The following SLC17A1 variants were observed in gnomAD, a reference collection of about 807,000 sequenced individuals.
SLC17A1 encodes sodium-dependent phosphate transport protein 1.
Under a neutral mutation model 53.5 loss-of-function variants are expected in SLC17A1, and 51 were observed. The ratio of observed to expected loss-of-function variants is 0.95; its 90% confidence interval spans 0.76 to 1.20. The LOEUF (loss-of-function observed/expected upper bound fraction) is 1.20, where lower values mean the gene tolerates loss of function less well. SLC17A1 is among the 50% of genes most tolerant of loss of function. SLC17A1 has a pLI of 0.00. For synonymous variants in SLC17A1, 179 were observed against 198.8 expected, an observed-to-expected ratio of 0.90 and a Z score of 0.84; for missense variants, 538 against 568.2, an observed-to-expected ratio of 0.95 and a Z score of 0.54.
At chr6:25,730,293 TGTG>T in the SLC17A1 span, among the ~76,000 whole-genome samples, 1 of 152,004 alleles carries the variant, frequency 6.6e-6, no homozygotes, top group African/African-American at 2.4e-5. Context: ...CTAAAGAAAA[TGTG>T]GCATACATAC....
the SLC17A1 span, chr6:25,776,801 T>A: frequency 6.2e-7 from 1 of 1,613,984 alleles, no homozygotes; most frequent in Admixed American, 1.7e-5. Flanking sequence ...GTGTTTGTCC[T>A]CCTACCCCAG....
chr6:25,803,180 G>T (rs555653014), intron 10 of SLC17A1, among the ~76,000 whole-genome samples: 1 of 151,606 alleles, frequency 6.6e-6, no homozygotes, highest in Non-Finnish European at 1.5e-5. Context: ...CTCATGATCC[G>T]CCTGCCTCAA....
At chr6:25,742,280 T>C in the SLC17A1 span, among the ~76,000 whole-genome samples, 82 of 152,242 alleles carry the variant, frequency 5.4e-4, 1 homozygote, top group African/African-American at 1.6e-3. Flanking sequence ...CTAAGTTACA[T>C]TGACTGATCA....
chr6:25,767,971 T>C, the SLC17A1 span, among the ~76,000 whole-genome samples: 1 of 152,178 alleles, frequency 6.6e-6, no homozygotes, highest in East Asian at 1.9e-4. Flanking sequence ...TAACTGAAGA[T>C]AACTATAAAA....
downstream of SLC17A1, among the ~76,000 whole-genome samples, chr6:25,782,644 G>A (rs552372373): frequency 5.9e-5 from 9 of 152,046 alleles, no homozygotes; most frequent in African/African-American, 1.7e-4. Flanking sequence ...GGTCTGCTCC[G>A]TATCATTTCT....
At chr6:25,757,437 A>G in the SLC17A1 span, among the ~76,000 whole-genome samples, 1 of 152,004 alleles carries the variant, frequency 6.6e-6, no homozygotes, top group Non-Finnish European at 1.5e-5. Flanking sequence ...CAGTAGTAAT[A>G]GATTTATTGC....
At position 25,800,727 on chromosome 6, in the gene SLC17A1, G is replaced by T. The variant is rs45445093; in HGVS notation, c.1269+163C>A. Reference sequence around the variant, plus strand: ...TAATGAGATAGAAATTGCATTATTTGTAGATTTGGAGAGATGCCTGATTTG... The same window carrying T: ...TAATGAGATAGAAATTGCATTATTTTTAGATTTGGAGAGATGCCTGATTTG... On this transcript the variant is annotated intron_variant, in intron 11 of 12. Transcript: ENST00000244527. Among the ~76,000 whole-genome samples, 288 of 152,264 alleles carry T rather than the reference G, an allele frequency of 1.9e-3. 1 individual carries two copies. The highest frequency in any genetic ancestry group is 0.013 in the South Asian group (63 of 4,814).
the SLC17A1 span, chr6:25,732,407 G>A: frequency 2.2e-5 from 6 of 267,994 alleles, no homozygotes; most frequent in Non-Finnish European, 3.6e-5. Context: ...CCGTTTTAAC[G>A]GGTGTCTTTT....
chr6:25,731,826 G>A, the SLC17A1 span: 1,111 of 1,602,054 alleles, frequency 6.9e-4, 8 homozygotes, highest in African/African-American at 0.013. Flanking sequence ...GGTGCCCTCC[G>A]ACACAACGTG....
chr6:25,767,370 A>T, the SLC17A1 span, among the ~76,000 whole-genome samples: 1 of 152,168 alleles, frequency 6.6e-6, no homozygotes, highest in Non-Finnish European at 1.5e-5. Flanking sequence ...GTAGGCTATT[A>T]TAATTATAAT....
At chr6:25,785,862 T>C (rs1282159262) in intron 12 of SLC17A1, among the ~76,000 whole-genome samples, 2 of 152,220 alleles carry the variant, frequency 1.3e-5, no homozygotes, top group African/African-American at 4.8e-5. Context: ...ATTGGAATTC[T>C]ACATTGCTGG....
At chr6:25,756,723 A>C in the SLC17A1 span, among the ~76,000 whole-genome samples, 1 of 152,212 alleles carries the variant, frequency 6.6e-6, no homozygotes, top group Non-Finnish European at 1.5e-5. Flanking sequence ...ATGAGAACTA[A>C]GTTCTTCAGT....
At chr6:25,755,185 G>T in the SLC17A1 span, among the ~76,000 whole-genome samples, 291 of 152,220 alleles carry the variant, frequency 1.9e-3, 1 homozygote, top group Non-Finnish European at 3.1e-3. Flanking sequence ...AATCCACAGT[G>T]AGACAATAAA....
chr6:25,768,495 C>T, the SLC17A1 span: 32 of 614,444 alleles, frequency 5.2e-5, no homozygotes, highest in Non-Finnish European at 6.6e-5. Context: ...TAACCATAGC[C>T]TATCTTTCAA....
At chr6:25,753,311 T>C in the SLC17A1 span, among the ~76,000 whole-genome samples, 2 of 152,000 alleles carry the variant, frequency 1.3e-5, no homozygotes, top group African/African-American at 2.4e-5. Flanking sequence ...GTCAGTAAGG[T>C]TGGTGTGTCC....
At chr6:25,827,285 C>T (rs556968328) in intron 2 of SLC17A1, among the ~76,000 whole-genome samples, 1 of 151,926 alleles carries the variant, frequency 6.6e-6, no homozygotes, top group African/African-American at 2.4e-5. Flanking sequence ...TACAAAACAA[C>T]ACATACAGAA....
rs912297145 is a variant in SLC17A1, at chr6:25,832,003, G to C, written c.-60C>G. 1 of 151,954 alleles carries C rather than the reference G, an allele frequency of 6.6e-6. No homozygotes were observed. The highest frequency in any genetic ancestry group is 1.5e-5 in the Non-Finnish European group (1 of 67,986). The allele number at this position is 151,954 out of a possible 1,614,324, so 9.4% of individuals were successfully genotyped here. On this transcript the variant is annotated 5_prime_UTR_variant, in exon 1 of 13. Transcript: ENST00000244527. ...AGCCCCGTAGACTAACCTGATTCGG[G>C]ACAAAAAAGTGATTTCTTCTTCCGC...
the SLC17A1 span, chr6:25,771,051 G>A: frequency 6.8e-7 from 1 of 1,480,318 alleles, no homozygotes; most frequent in Non-Finnish European, 9.5e-7. Flanking sequence ...TTATGACAGA[G>A]ACTTCTGTGA....
chr6:25,762,914 C>T, the SLC17A1 span, among the ~76,000 whole-genome samples: 1 of 152,162 alleles, frequency 6.6e-6, no homozygotes, highest in East Asian at 1.9e-4. Flanking sequence ...TCCTATCATT[C>T]TGTCTCTCCC....
Sources: allele counts gnomAD v4.1 joint callset (sites outside exome capture counted in the v4.1 genomes callset), GRCh38; gene constraint gnomAD v4.1.1; transcripts MANE v1.5; gene names NCBI Gene and HGNC (gene_info 2026-07-23, HGNC 2026-07-21).